The following ZFPM2 variants were observed in gnomAD, a reference collection of about 807,000 sequenced individuals.
The protein encoded by ZFPM2 is zinc finger protein ZFPM2.
A neutral mutation model predicts 98.6 loss-of-function variants in ZFPM2; 20 were observed. The ratio of observed to expected loss-of-function variants is 0.20; its 90% confidence interval spans 0.14 to 0.29. ZFPM2 has a LOEUF of 0.29. Ranked by LOEUF, ZFPM2 falls within the 10% of genes least tolerant of loss-of-function variation. The pLI, the probability that ZFPM2 is intolerant of heterozygous loss-of-function variation, is 1.00. For synonymous variants in ZFPM2, 518 were observed against 502.7 expected, an observed-to-expected ratio of 1.03 and a Z score of -0.41; for missense variants, 1,310 against 1,388.6, an observed-to-expected ratio of 0.94 and a Z score of 0.90.
chr8:105,331,258 A>G (rs918122127), intron 1 of ZFPM2, among the ~76,000 whole-genome samples: 21 of 151,612 alleles, frequency 1.4e-4, no homozygotes, highest in African/African-American at 5.1e-4. Context: ...AAAAAGAATC[A>G]GGGAGCTGGC....
At chr8:105,525,362 G>A (rs1053985541) in intron 3 of ZFPM2, among the ~76,000 whole-genome samples, 7 of 152,280 alleles carry the variant, frequency 4.6e-5, no homozygotes, top group African/African-American at 1.4e-4. Flanking sequence ...GAAAACAAAT[G>A]TATTTTGAAA....
chr8:105,726,762 AGCCT>A (rs1811816822), intron 5 of ZFPM2, among the ~76,000 whole-genome samples: 1 of 151,736 alleles, frequency 6.6e-6, no homozygotes, highest in Non-Finnish European at 1.5e-5. Flanking sequence ...TGTGAGGGAA[AGCCT>A]GCCTGTTGTG....
intron 1 of ZFPM2, among the ~76,000 whole-genome samples, chr8:105,398,111 C>A (rs73300198): frequency 6.3e-4 from 96 of 152,128 alleles, no homozygotes; most frequent in African/African-American, 2.0e-3. Flanking sequence ...GTAAAGTCTA[C>A]GCAAAGGAGC....
chr8:105,679,886 G>C (rs1473322971), intron 5 of ZFPM2, among the ~76,000 whole-genome samples: 1 of 151,816 alleles, frequency 6.6e-6, no homozygotes, highest in Non-Finnish European at 1.5e-5. Flanking sequence ...GGTACTTTGG[G>C]CTTTTTAAAA....
chr8:105,333,356 G>A (rs757527517), intron 1 of ZFPM2, among the ~76,000 whole-genome samples: 4 of 151,704 alleles, frequency 2.6e-5, no homozygotes, highest in Admixed American at 6.6e-5. Flanking sequence ...AATGAACAGA[G>A]CAGTATCTTT....
At chr8:105,335,233 A>G (rs911273115) in intron 1 of ZFPM2, among the ~76,000 whole-genome samples, 3 of 151,774 alleles carry the variant, frequency 2.0e-5, no homozygotes, top group African/African-American at 7.2e-5. Flanking sequence ...ATGCAACTTG[A>G]GAAAGGTTGT....
chr8:105,696,004 C>T (rs753656199), intron 5 of ZFPM2, among the ~76,000 whole-genome samples: 1 of 152,104 alleles, frequency 6.6e-6, no homozygotes, highest in African/African-American at 2.4e-5. Flanking sequence ...TATATTTTTC[C>T]CACTTTCTTT....
At position 105,689,911 on chromosome 8, in the gene ZFPM2, AAGAG is replaced by A. The variant is rs140464395; in HGVS notation, c.532+55558_532+55561del. ...CCATGATCTAGAGGATACAGACTGA[AAGAG>A]AGAAAAAGTGAAACAGATGATTTAT... On this transcript the variant is annotated intron_variant, in intron 5 of 7. Coordinates refer to ENST00000407775, the MANE Select transcript of ZFPM2 (RefSeq NM_012082.4). 2.6e-5 allele frequency among the ~76,000 whole-genome samples: 4 copies of A among 152,294 alleles called. No homozygotes were observed. The East Asian group carries it at 7.7e-4, about 29-fold the overall frequency.
In ZFPM2 at chr8:105,487,900, A is replaced by G. The variant is rs61487252; in HGVS notation, c.301+43519A>G. 7.7e-3 allele frequency among the ~76,000 whole-genome samples: 555 copies of G among 71,994 alleles called. 10 individuals are homozygous for G. The highest frequency in any genetic ancestry group is 0.062 in the East Asian group (170 of 2,730). The allele number at this position is 71,994 out of a possible 152,430, so 47.2% of individuals were successfully genotyped here. A position where few individuals can be genotyped will look rare whatever the true frequency, so the allele number is the denominator to read the frequency against. ...CCCTATAAAGTCTGTCTGTCTATCT[A>G]TCTATCTATCTATCTATCTATCTAT... On this transcript the variant is annotated intron_variant, in intron 3 of 7. Coordinates refer to ENST00000407775, the MANE Select transcript of ZFPM2 (RefSeq NM_012082.4).
intron 5 of ZFPM2, chr8:105,676,145 T>G: frequency 6.6e-6 from 1 of 152,190 alleles, no homozygotes; most frequent in East Asian, 1.9e-4. Context: ...TCTTGCTTTT[T>G]AATAAACAGC....
intron 1 of ZFPM2, among the ~76,000 whole-genome samples, chr8:105,393,261 T>G (rs1037343708): frequency 2.0e-5 from 3 of 152,172 alleles, no homozygotes; most frequent in African/African-American, 7.2e-5. Context: ...AGCTGAAGCA[T>G]GTGCTATACT....
At chr8:105,558,100 T>C (rs1296894541) in intron 3 of ZFPM2, among the ~76,000 whole-genome samples, 3 of 152,178 alleles carry the variant, frequency 2.0e-5, no homozygotes, top group African/African-American at 7.2e-5. Context: ...TAATCTTTCC[T>C]CTATTTCATA....
intron 1 of ZFPM2, among the ~76,000 whole-genome samples, chr8:105,359,232 C>T (rs533649294): frequency 6.6e-6 from 1 of 152,148 alleles, no homozygotes; most frequent in African/African-American, 2.4e-5. Flanking sequence ...TAAGACATGC[C>T]TGCTTCCCCT....
intron 1 of ZFPM2, among the ~76,000 whole-genome samples, chr8:105,414,618 T>A (rs1309730696): frequency 6.6e-6 from 1 of 151,912 alleles, no homozygotes; most frequent in Admixed American, 6.6e-5. Context: ...TTTTTTTTTC[T>A]GAAATTTTCT....
At chr8:105,431,474 G>C (rs1164863530) in intron 2 of ZFPM2, among the ~76,000 whole-genome samples, 2 of 152,124 alleles carry the variant, frequency 1.3e-5, no homozygotes, top group African/African-American at 4.8e-5. Context: ...GACATGCTGT[G>C]GATACAATGG....
intron 5 of ZFPM2, among the ~76,000 whole-genome samples, chr8:105,738,323 C>A (rs189619377): frequency 2.0e-5 from 3 of 151,960 alleles, no homozygotes; most frequent in Admixed American, 6.6e-5. Flanking sequence ...TCTCTATTTC[C>A]TCCCATGTTC....
intron 4 of ZFPM2, among the ~76,000 whole-genome samples, chr8:105,565,681 T>A (rs1815229260): frequency 6.6e-6 from 1 of 152,218 alleles, no homozygotes; most frequent in South Asian, 2.1e-4. Flanking sequence ...ATGTGAGTTA[T>A]CCACACATTT....
chr8:105,408,386 T>C (rs1346070362), intron 1 of ZFPM2, among the ~76,000 whole-genome samples: 2 of 151,906 alleles, frequency 1.3e-5, no homozygotes. Context: ...AATGACAACA[T>C]AGAACACTTG....
intron 4 of ZFPM2, among the ~76,000 whole-genome samples, chr8:105,568,409 T>A (rs929351074): frequency 1.3e-5 from 2 of 151,994 alleles, no homozygotes; most frequent in Non-Finnish European, 2.9e-5. Context: ...CATTTCTACC[T>A]CTCCTTCTCA....
Sources: allele counts gnomAD v4.1 joint callset (sites outside exome capture counted in the v4.1 genomes callset), GRCh38; gene constraint gnomAD v4.1.1; transcripts MANE v1.5; gene names NCBI Gene and HGNC (gene_info 2026-07-23, HGNC 2026-07-21).